Variants in CHCHD6 observed in about 807,000 individuals in gnomAD.
CHCHD6 encodes coiled-coil-helix-coiled-coil-helix domain containing 6.
Under a neutral mutation model 32.3 loss-of-function variants are expected in CHCHD6, and 28 were observed. That is an observed-to-expected ratio of 0.87 (90% confidence interval 0.64 to 1.19). The LOEUF is 1.19. Ranked by LOEUF, CHCHD6 falls within the 50% of genes most tolerant of loss-of-function variation. CHCHD6 has a pLI of 0.00. For missense variants in CHCHD6, 333 were observed against 307.0 expected, an observed-to-expected ratio of 1.08 and a Z score of -0.63; for synonymous variants, 122 against 117.5, an observed-to-expected ratio of 1.04 and a Z score of -0.25.
intron 5 of CHCHD6, among the ~76,000 whole-genome samples, chr3:126,893,763 T>G (rs921318579): frequency 6.6e-6 from 1 of 152,184 alleles, no homozygotes. Context: ...GCAGATGCAT[T>G]GACTATCCTG....
Position 126,704,400 on chromosome 3 carries a change from G to A in CHCHD6, c.87+1G>A. 1 of 1,530,448 alleles carries A rather than the reference G, an allele frequency of 6.5e-7. No individual in the cohort carries two copies. The allele number at this position is 1,530,448 out of a possible 1,614,324, so 94.8% of individuals were successfully genotyped here. On this transcript the variant is annotated splice_donor_variant, in intron 1 of 7. Transcript: ENST00000290913. LOFTEE classifies it high-confidence loss of function. ...GGTCCGGGTGCTGCAGGGTGTCCGG[G>A]TGAGCGGCGCCGCCTGGGCCGGGGC...
At chr3:126,788,315 G>A (rs1184255934) in intron 4 of CHCHD6, among the ~76,000 whole-genome samples, 1 of 152,112 alleles carries the variant, frequency 6.6e-6, no homozygotes, top group Non-Finnish European at 1.5e-5. Flanking sequence ...GCCAGGCTTT[G>A]GTATCAGGAT....
At position 126,710,237 on chromosome 3, in the gene CHCHD6, A is replaced by G. The variant is rs146644951; in HGVS notation, c.87+5838A>G. On this transcript the variant is annotated intron_variant, in intron 1 of 7. Coordinates refer to ENST00000290913, the MANE Select transcript of CHCHD6 (RefSeq NM_032343.3). ...ATTGAATTATCTTGGAACCTTTGTG[A>G]AAATCCATTGCACATAAATTTAGGG... is the stretch of plus-strand genomic sequence containing the variant. Among the ~76,000 whole-genome samples, 9 of 152,320 alleles carry G rather than the reference A, an allele frequency of 5.9e-5. No individual in the cohort carries two copies. The East Asian group carries it at 1.7e-3, about 29-fold the overall frequency.
At chr3:126,863,484 C>A (rs1942051105) in intron 5 of CHCHD6, among the ~76,000 whole-genome samples, 1 of 145,738 alleles carries the variant, frequency 6.9e-6, no homozygotes, top group African/African-American at 2.6e-5. Context: ...CCACCATCAC[C>A]ACCTCCTCCT....
chr3:126,957,514 T>G lies in CHCHD6; in HGVS notation c.665T>G (p.Val222Gly). 6.3e-7 allele frequency: 1 copy of G among 1,590,030 alleles called. No homozygotes were observed. The highest frequency in any genetic ancestry group is 8.6e-7 in the Non-Finnish European group (1 of 1,168,552). Reference protein sequence around the residue: ...PHEVLLCSDLVKAYQRCVSAA... With the variant: ...PHEVLLCSDLGKAYQRCVSAA... ...GAGGTGCTGCTGTGCTCGGACCTGGTCAAGGCATACCAGCGCTGCGTGAGC... is the reference window on the plus strand; with the variant it reads ...GAGGTGCTGCTGTGCTCGGACCTGGGCAAGGCATACCAGCGCTGCGTGAGC... The change falls in exon 7 of 8, where the codon GTC (valine) becomes GGC (glycine). Residue 222 changes from valine to glycine, a missense_variant. Physicochemically the swap from Val to Gly is moderately radical, Grantham distance 109. Transcript: ENST00000290913.
intron 4 of CHCHD6, among the ~76,000 whole-genome samples, chr3:126,816,134 G>T (rs765039979): frequency 4.0e-5 from 6 of 151,232 alleles, no homozygotes; most frequent in Non-Finnish European, 5.9e-5. Flanking sequence ...TTCCTTCTAC[G>T]TGTCCATACC....
intron 5 of CHCHD6, among the ~76,000 whole-genome samples, chr3:126,895,317 A>G (rs2107580140): frequency 6.6e-6 from 1 of 152,290 alleles, no homozygotes; most frequent in South Asian, 2.1e-4. Context: ...AGCTATTTAG[A>G]AGGAAGAGCT....
intron 6 of CHCHD6, among the ~76,000 whole-genome samples, chr3:126,920,762 C>T (rs994650990): frequency 3.3e-5 from 5 of 152,198 alleles, no homozygotes; most frequent in African/African-American, 1.2e-4. Context: ...CACAGCTTTT[C>T]TTGCCTTTCA....
rs141331253 is a variant in CHCHD6 at position 126,753,971 on chromosome 3, A to G, written c.411+20749A>G. On this transcript the variant is annotated intron_variant, in intron 4 of 7. Coordinates refer to ENST00000290913, the MANE Select transcript of CHCHD6 (RefSeq NM_032343.3). ...ATTGGGAAGGTGGTGTATAAATTCC[A>G]TGTGGAGGCGGGGGATCCTGTTAGA... Among the ~76,000 whole-genome samples, 8 of 152,316 alleles carry G rather than the reference A, an allele frequency of 5.3e-5. No individual in the cohort carries two copies. The East Asian group carries it at 1.5e-3, about 29-fold the overall frequency.
chr3:126,922,102 T>C (rs955551355), intron 6 of CHCHD6, among the ~76,000 whole-genome samples: 1 of 152,240 alleles, frequency 6.6e-6, no homozygotes, highest in African/African-American at 2.4e-5. Context: ...CCTGGCTCTT[T>C]GAGAAGTTAA....
In CHCHD6 at chr3:126,863,485, ACCT is replaced by A. The variant is rs1180820015; in HGVS notation, c.495+10766_495+10768del. Among the ~76,000 whole-genome samples the A allele has an allele frequency of 4.6e-5, 5 of 107,732 alleles. 1 individual carries two copies. Among genetic ancestry groups the A allele is most frequent in the Admixed American group, 1.9e-4 (2 of 10,354 alleles). 70.7% of individuals were successfully genotyped at this position (107,732 alleles called of 152,430 possible). ...CACCACCTCCTCCACCACCATCACC[ACCT>A]CCTCCTCCTCTACTATCACCACCTC... On this transcript the variant is annotated intron_variant, in intron 5 of 7. Coordinates refer to ENST00000290913, the MANE Select transcript of CHCHD6 (RefSeq NM_032343.3).
chr3:126,894,217 C>T (rs1376674365), intron 5 of CHCHD6, among the ~76,000 whole-genome samples: 1 of 152,236 alleles, frequency 6.6e-6, no homozygotes, highest in Non-Finnish European at 1.5e-5. Context: ...CAACCTGGCA[C>T]TGCGCAGTGA....
intron 3 of CHCHD6, among the ~76,000 whole-genome samples, chr3:126,732,559 G>A (rs2107659281): frequency 6.6e-6 from 1 of 152,256 alleles, no homozygotes. Context: ...TAGGTTGCTT[G>A]CATTTTTTTC....
chr3:126,865,993 G>A lies in CHCHD6; in HGVS notation c.495+13263G>A, dbSNP rs73205607. On this transcript the variant is annotated intron_variant, in intron 5 of 7. Transcript: ENST00000290913. ...TACAGTGCCCAAGACCTGTCAGTTA[G>A]GTTTCCTGATGGTGGGGTTGGGGAG... is the stretch of plus-strand genomic sequence containing the variant. Among the ~76,000 whole-genome samples, 1,103 of 152,258 alleles carry A rather than the reference G, an allele frequency of 7.2e-3. 7 individuals carry two copies. Among genetic ancestry groups the A allele is most frequent in the Non-Finnish European group, 0.012 (804 of 68,018 alleles).
intron 4 of CHCHD6, among the ~76,000 whole-genome samples, chr3:126,832,794 G>A (rs1940697107): frequency 6.6e-6 from 1 of 152,092 alleles, no homozygotes; most frequent in Non-Finnish European, 1.5e-5. Flanking sequence ...GCTGGTGTGG[G>A]ACCAGAAATT....
intron 1 of CHCHD6, among the ~76,000 whole-genome samples, chr3:126,710,225 G>A (rs531388532): frequency 8.3e-4 from 127 of 152,198 alleles, no homozygotes; most frequent in Non-Finnish European, 1.2e-3. Context: ...GAATTATCTT[G>A]GAACCTTTGT....
chr3:126,960,055 C>A, intron 7 of CHCHD6, 141 bp from the exon 8 acceptor site: 2 of 930,554 alleles, frequency 2.1e-6, no homozygotes, highest in South Asian at 1.5e-5. Context: ...AAGAGACTCA[C>A]TGATGGGTCT....
chr3:126,746,428 G>A (rs2107665769), intron 4 of CHCHD6, among the ~76,000 whole-genome samples: 1 of 152,206 alleles, frequency 6.6e-6, no homozygotes, highest in South Asian at 2.1e-4. Context: ...TGGTTCCCAG[G>A]AGGCCTGGCA....
chr3:126,806,355 GA>G (rs1195544778), intron 4 of CHCHD6, among the ~76,000 whole-genome samples: 1 of 151,706 alleles, frequency 6.6e-6, no homozygotes, highest in Non-Finnish European at 1.5e-5. Context: ...AAATTTACAA[GA>G]AAAAAACAAC....
Sources: gnomAD v4.1 joint callset for allele counts (sites outside exome capture counted in the v4.1 genomes callset) on GRCh38, gnomAD v4.1.1 for gene constraint, MANE v1.5 for transcripts, NCBI Gene and HGNC (gene_info 2026-07-23, HGNC 2026-07-21) for gene names.